The following ERG variants were observed in gnomAD, a reference collection of about 807,000 sequenced individuals.
The protein encoded by ERG is transcriptional regulator ERG.
A neutral mutation model predicts 55.3 loss-of-function variants in ERG; 9 were observed. The ratio of observed to expected loss-of-function variants is 0.16; its 90% CI spans 0.10 to 0.28. The LOEUF is 0.28. Among genes scored for constraint, ERG ranks in the 10% least tolerant of loss-of-function variants. The pLI is 1.00. For missense variants in ERG, 434 were observed against 631.6 expected (o/e 0.69, Z 3.35); for synonymous variants, 223 against 237.3 (o/e 0.94, Z 0.55).
chr21:38,504,836 A>AT (rs2059448449), intron 2 of ERG, among the ~76,000 whole-genome samples: 1 of 152,190 alleles, frequency 6.6e-6, no homozygotes, highest in South Asian at 2.1e-4. Flanking sequence ...GTTTTAAATG[A>AT]TTTTTTAAGA....
chr21:38,593,112 A>T (rs2060110905), intron 1 of ERG, among the ~76,000 whole-genome samples: 2 of 152,222 alleles, frequency 1.3e-5, no homozygotes, highest in African/African-American at 4.8e-5. Context: ...CTGATCTCAG[A>T]GTTGAGGTGG....
chr21:38,380,504 C>G lies in ERG; in HGVS notation c.*2899G>C, dbSNP rs1254793541. The G allele has an allele frequency of 9.4e-7, 1 of 1,065,322 alleles. No homozygotes were observed. Among genetic ancestry groups the G allele is most frequent in the Non-Finnish European group, 1.1e-6 (1 of 879,390 alleles). The allele number at this position is 1,065,322 out of a possible 1,614,324, so 66.0% of individuals were successfully genotyped here. On this transcript the variant is annotated 3_prime_UTR_variant, in exon 10 of 10. Transcript: ENST00000288319. ...GAAAAGAAGACAAATCTCTTGCCAGCAGGAGTAAGATTGTACAGGAGTCTG... is the reference window on the plus strand; with the variant it reads ...GAAAAGAAGACAAATCTCTTGCCAGGAGGAGTAAGATTGTACAGGAGTCTG...
chr21:38,560,243 G>A (rs980697413), intron 2 of ERG, among the ~76,000 whole-genome samples: 1 of 152,190 alleles, frequency 6.6e-6, no homozygotes, highest in African/African-American at 2.4e-5. Flanking sequence ...GCTTCAGAAG[G>A]AACCAGCTAC....
At chr21:38,655,543 T>C (rs2146992116) in intron 1 of ERG, among the ~76,000 whole-genome samples, 1 of 152,322 alleles carries the variant, frequency 6.6e-6, no homozygotes, top group Non-Finnish European at 1.5e-5. Context: ...TTCTCACCCT[T>C]TAGCAATGTG....
chr21:38,433,580 C>T (rs1990318298), intron 2 of ERG, among the ~76,000 whole-genome samples: 2 of 151,786 alleles, frequency 1.3e-5, no homozygotes, highest in Admixed American at 6.5e-5. Context: ...AGGCAATTTC[C>T]GTCATGGAAA....
In ERG at chr21:38,421,098, A is replaced by C. The variant is rs540885966; in HGVS notation, c.388+2312T>G. On this transcript the variant is annotated intron_variant, in intron 3 of 9. Transcript: ENST00000288319. The stretch of plus-strand genomic sequence containing the variant: ...TATGTGCCACACATCTGGAGTGGGC[A>C]CCTGGGACATTTGTGTTTCTATTTT... 1.2e-4 allele frequency among the ~76,000 whole-genome samples: 18 copies of C among 152,200 alleles called. 1 individual carries two copies. The highest frequency in any genetic ancestry group is 4.3e-4 in the African/African-American group (18 of 41,526).
chr21:38,537,722 G>C (rs1434906181), intron 2 of ERG, among the ~76,000 whole-genome samples: 2 of 152,130 alleles, frequency 1.3e-5, no homozygotes, highest in Admixed American at 1.3e-4. Flanking sequence ...CACTGGTGGT[G>C]GGAGAGTAAA....
At chr21:38,524,281 C>A (rs1022555784) in intron 2 of ERG, among the ~76,000 whole-genome samples, 1 of 152,188 alleles carries the variant, frequency 6.6e-6, no homozygotes, top group African/African-American at 2.4e-5. Context: ...ACACTATGAG[C>A]CTTTCTGGCT....
chr21:38,504,151 G>C (rs2059442809), intron 2 of ERG, among the ~76,000 whole-genome samples: 1 of 152,180 alleles, frequency 6.6e-6, no homozygotes, highest in Non-Finnish European at 1.5e-5. Flanking sequence ...GTATTCTTCA[G>C]TCTCTTGGTT....
intron 3 of ERG, among the ~76,000 whole-genome samples, chr21:38,419,042 C>T (rs573525381): frequency 6.6e-6 from 1 of 152,090 alleles, no homozygotes; most frequent in East Asian, 1.9e-4. Context: ...GGATGTCACA[C>T]TTGTCAGGCC....
intron 2 of ERG, among the ~76,000 whole-genome samples, chr21:38,505,336 C>T (rs759006474): frequency 1.3e-5 from 2 of 152,180 alleles, no homozygotes; most frequent in Non-Finnish European, 2.9e-5. Flanking sequence ...GAGCCCTCCT[C>T]ATCCCTCGCC....
intron 1 of ERG, among the ~76,000 whole-genome samples, chr21:38,652,533 G>A (rs542760116): frequency 1.3e-5 from 2 of 152,328 alleles, no homozygotes; most frequent in East Asian, 1.9e-4. Context: ...CTCGAGCTAG[G>A]AATGCAATGG....
At position 38,599,720 on chromosome 21, in the gene ERG, A is replaced by T. The variant is rs79865608; in HGVS notation, c.-149-14775T>A. ...ATTCAACTTCCCTGGACCTCTCAAT[A>T]CTTGGAAATTAGACTGTTCACTGTA... On this transcript the variant is annotated intron_variant, in intron 1 of 10. Coordinates refer to the ERG transcript ENST00000398910. Among the ~76,000 whole-genome samples the T allele has an allele frequency of 8.4e-3, 1,273 of 152,300 alleles. 15 individuals are homozygous for T. The highest frequency in any genetic ancestry group is 0.029 in the African/African-American group (1,191 of 41,554).
At chr21:38,564,837 C>T (rs1355580032) in intron 2 of ERG, among the ~76,000 whole-genome samples, 1 of 152,162 alleles carries the variant, frequency 6.6e-6, no homozygotes. Context: ...TAATGCTCTT[C>T]TGCATCTTGG....
intron 1 of ERG, among the ~76,000 whole-genome samples, chr21:38,635,648 C>T (rs1483379398): frequency 7.2e-5 from 11 of 152,078 alleles, no homozygotes; most frequent in Admixed American, 5.2e-4. Context: ...ATTTTTAAAG[C>T]ACAATTATTG....
intron 1 of ERG, among the ~76,000 whole-genome samples, chr21:38,491,433 T>G (rs1452495729): frequency 6.6e-6 from 1 of 152,124 alleles, no homozygotes; most frequent in African/African-American, 2.4e-5. Context: ...GCAGAAGGAT[T>G]TAAAAAGTGG....
At chr21:38,503,405 G>A (rs549975944), upstream of ERG, among the ~76,000 whole-genome samples, 382 of 149,934 alleles carry the variant, frequency 2.5e-3, no homozygotes, top group Non-Finnish European at 4.6e-3. Context: ...ACCCAGAAAC[G>A]CTCAAGAGTT....
chr21:38,384,139 G>A (rs912009064), intron 9 of ERG, among the ~76,000 whole-genome samples: 1 of 152,138 alleles, frequency 6.6e-6, no homozygotes, highest in African/African-American at 2.4e-5. Context: ...CAGAGCCGCC[G>A]CCTCGCCCAC....
intron 2 of ERG, among the ~76,000 whole-genome samples, chr21:38,520,420 G>A (rs150298312): frequency 1.4e-4 from 22 of 152,304 alleles, no homozygotes; most frequent in Non-Finnish European, 2.1e-4. Context: ...AGGGGCATCC[G>A]AGGAACAGAC....
Sources: gnomAD v4.1 joint callset for allele counts (sites outside exome capture counted in the v4.1 genomes callset) on GRCh38, gnomAD v4.1.1 for gene constraint, MANE v1.5 for transcripts, NCBI Gene and HGNC (gene_info 2026-07-23, HGNC 2026-07-21) for gene names.